HDAC9: variants seen among roughly 807,000 people sequenced by gnomAD.
HDAC9 encodes histone deacetylase 9, also known as MEF-2 interacting transcription repressor (MITR) protein.
A neutral mutation model predicts 139.4 loss-of-function variants in HDAC9; 41 were observed. That is an observed-to-expected ratio of 0.29 (90% CI 0.23 to 0.38). HDAC9 has a LOEUF of 0.38. Among genes scored for constraint, HDAC9 ranks in the 10% least tolerant of loss-of-function variants. The pLI, the probability that HDAC9 is intolerant of heterozygous loss-of-function variation, is 1.00. For missense variants in HDAC9, 1,147 were observed against 1,297.0 expected, an observed-to-expected ratio of 0.88 and a Z score of 1.78; for synonymous variants, 517 against 476.2, an observed-to-expected ratio of 1.09 and a Z score of -1.12.
chr7:18,502,104 A>G (rs1040331028), intron 2 of HDAC9, among the ~76,000 whole-genome samples: 1 of 152,172 alleles, frequency 6.6e-6, no homozygotes, highest in Non-Finnish European at 1.5e-5. Context: ...TCCAAGCATT[A>G]TGTATGTTTA....
chr7:18,355,977 C>G (rs910915180), intron 1 of HDAC9, among the ~76,000 whole-genome samples: 1 of 152,062 alleles, frequency 6.6e-6, no homozygotes, highest in Non-Finnish European at 1.5e-5. Context: ...TGAAATGTTC[C>G]AAAATTGGAT....
intron 1 of HDAC9, among the ~76,000 whole-genome samples, chr7:18,138,644 G>C (rs761720376): frequency 6.6e-6 from 1 of 151,836 alleles, no homozygotes; most frequent in Non-Finnish European, 1.5e-5. Context: ...AGTGGGGCAG[G>C]CTGCAACCTT....
At chr7:18,190,002 C>T (rs1359086521) in intron 2 of HDAC9, among the ~76,000 whole-genome samples, 7 of 151,916 alleles carry the variant, frequency 4.6e-5, no homozygotes, top group Admixed American at 1.3e-4. Context: ...TACAGTGGCA[C>T]GATCTCAGCT....
chr7:18,413,783 C>T (rs748961758), intron 1 of HDAC9, among the ~76,000 whole-genome samples: 2 of 152,078 alleles, frequency 1.3e-5, no homozygotes, highest in African/African-American at 4.8e-5. Flanking sequence ...TACATCATTG[C>T]AAGACTGAGG....
intron 17 of HDAC9, among the ~76,000 whole-genome samples, chr7:18,794,243 C>T (rs886092933): frequency 6.6e-5 from 10 of 152,216 alleles, no homozygotes; most frequent in Non-Finnish European, 1.3e-4. Context: ...GTGATTGATT[C>T]GGTATTTTTA....
intron 1 of HDAC9, among the ~76,000 whole-genome samples, chr7:18,117,992 C>A (rs191215907): frequency 6.6e-6 from 1 of 152,304 alleles, no homozygotes; most frequent in African/African-American, 2.4e-5. Context: ...CCTCCCCCTT[C>A]ATCACTTACA....
intron 6 of HDAC9, among the ~76,000 whole-genome samples, chr7:18,618,992 CAT>C (rs1412659379): frequency 6.6e-6 from 1 of 151,752 alleles, no homozygotes; most frequent in South Asian, 2.1e-4. Context: ...AAGACTGAAA[CAT>C]GTTTATAATC....
intron 1 of HDAC9, among the ~76,000 whole-genome samples, chr7:18,109,417 T>A (rs1783457251): frequency 6.6e-6 from 1 of 152,164 alleles, no homozygotes; most frequent in Non-Finnish European, 1.5e-5. Context: ...TGATGATAAG[T>A]TATCCAGTCC....
chr7:18,338,243 A>G (rs1338472498), intron 1 of HDAC9, among the ~76,000 whole-genome samples: 1 of 151,718 alleles, frequency 6.6e-6, no homozygotes, highest in South Asian at 2.1e-4. Context: ...CATGTTGGCA[A>G]TGTTGCAGTG....
At chr7:18,680,216 T>C (rs569327005) in intron 12 of HDAC9, among the ~76,000 whole-genome samples, 7 of 151,956 alleles carry the variant, frequency 4.6e-5, no homozygotes, top group African/African-American at 1.2e-4. Flanking sequence ...GGCCTAAAAA[T>C]TGTGGGGAGC....
intron 22 of HDAC9, among the ~76,000 whole-genome samples, chr7:18,901,217 T>TAC (rs1221456077): frequency 3.1e-5 from 4 of 130,184 alleles, no homozygotes; most frequent in African/African-American, 9.4e-5. Flanking sequence ...CATATATATA[T>TAC]ATATACACAC....
intron 21 of HDAC9, among the ~76,000 whole-genome samples, chr7:18,861,840 G>T (rs1358195364): frequency 6.6e-6 from 1 of 152,102 alleles, no homozygotes; most frequent in Non-Finnish European, 1.5e-5. Context: ...TCTGGACCAG[G>T]TATATATGTG....
At chr7:18,927,917 G>T (rs930548749) in intron 22 of HDAC9, among the ~76,000 whole-genome samples, 5 of 152,130 alleles carry the variant, frequency 3.3e-5, no homozygotes, top group African/African-American at 7.2e-5. Context: ...TCAATAGAAA[G>T]AAAATAATAG....
At chr7:18,392,919 CAAAAAAAAA>C (rs773532939) in intron 1 of HDAC9, among the ~76,000 whole-genome samples, 3 of 44,532 alleles carry the variant, frequency 6.7e-5, no homozygotes, top group East Asian at 5.1e-4. Flanking sequence ...CCATGACTGG[CAAAAAAAAA>C]AAAAAAAAAA....
intron 25 of HDAC9, among the ~76,000 whole-genome samples, chr7:18,989,405 G>C (rs1407922804): frequency 6.6e-6 from 1 of 152,048 alleles, no homozygotes; most frequent in Non-Finnish European, 1.5e-5. Context: ...GGCTTGTAGA[G>C]TTTCTGCCAA....
chr7:18,591,759 G>A (rs1003314586), intron 5 of HDAC9, 117 bp downstream of exon 5: 2 of 1,311,302 alleles, frequency 1.5e-6, no homozygotes, highest in African/African-American at 3.0e-5. Flanking sequence ...CTGTGGGCAA[G>A]TTCCTTCAGT....
chr7:18,460,814 G>A (rs896204466), intron 1 of HDAC9, among the ~76,000 whole-genome samples: 111 of 148,576 alleles, frequency 7.5e-4, no homozygotes, highest in Non-Finnish European at 1.4e-3. Flanking sequence ...AAAAAAAGGA[G>A]TGGATTATCC....
chr7:18,989,387 T>C (rs78627113), intron 25 of HDAC9, among the ~76,000 whole-genome samples: 27,874 of 152,008 alleles, frequency 0.18, 3,362 homozygotes, highest in East Asian at 0.46. Context: ...TGACCCCCAC[T>C]GTCTTCTGGC....
chr7:18,395,195 C>G (rs1157097828), intron 1 of HDAC9: 1 of 152,034 alleles, frequency 6.6e-6, no homozygotes, highest in Non-Finnish European at 1.5e-5. Flanking sequence ...TAAGTTCAGG[C>G]TTTGAGTCAC....
Sources: allele counts gnomAD v4.1 joint callset (sites outside exome capture counted in the v4.1 genomes callset), GRCh38; gene constraint gnomAD v4.1.1; transcripts MANE v1.5; gene names NCBI Gene and HGNC (gene_info 2026-07-23, HGNC 2026-07-21).